Variants in CDH13 observed in about 807,000 individuals in gnomAD.
The protein encoded by CDH13 is cadherin 13.
CDH13 carries 24 observed loss-of-function variants against 63.8 expected under a neutral mutation model. That is an observed-to-expected ratio of 0.38 (90% CI 0.27 to 0.53). The LOEUF (loss-of-function observed/expected upper bound fraction) is 0.53, where lower values mean the gene tolerates loss of function less well. CDH13 is among the 20% of genes least tolerant of loss of function. CDH13 has a pLI of 0.85. For missense variants in CDH13, 1,049 were observed against 903.1 expected (o/e 1.16, Z -2.07); for synonymous variants, 503 against 355.3 (o/e 1.42, Z -4.67).
intron 10 of CDH13, among the ~76,000 whole-genome samples, chr16:83,737,564 T>C (rs1430084494): frequency 6.6e-6 from 1 of 152,196 alleles, no homozygotes; most frequent in Non-Finnish European, 1.5e-5. Flanking sequence ...TGTTCCTGAG[T>C]TATTCCCCAC....
At chr16:83,324,945 T>C (rs2090326233) in intron 5 of CDH13, among the ~76,000 whole-genome samples, 2 of 152,190 alleles carry the variant, frequency 1.3e-5, no homozygotes, top group African/African-American at 2.4e-5. Flanking sequence ...GCCCAGCCCA[T>C]GTCACCTTTC....
intron 7 of CDH13, among the ~76,000 whole-genome samples, chr16:83,566,461 C>G (rs898424579): frequency 1.3e-5 from 2 of 152,152 alleles, no homozygotes; most frequent in African/African-American, 4.8e-5. Context: ...CTTCCAGCCA[C>G]ATATACTGTT....
intron 6 of CDH13, among the ~76,000 whole-genome samples, chr16:83,430,748 T>C (rs1288177202): frequency 6.6e-6 from 1 of 152,226 alleles, no homozygotes; most frequent in Non-Finnish European, 1.5e-5. Context: ...CTCTACTTAA[T>C]GGTAGATTCC....
chr16:82,941,559 A>G (rs907836095), intron 2 of CDH13, among the ~76,000 whole-genome samples: 2 of 152,148 alleles, frequency 1.3e-5, no homozygotes, highest in Non-Finnish European at 2.9e-5. Flanking sequence ...CATTGTGTGG[A>G]TAGCACACTT....
chr16:83,184,261 T>C (rs1225056799), intron 4 of CDH13, among the ~76,000 whole-genome samples: 1 of 152,152 alleles, frequency 6.6e-6, no homozygotes, highest in Non-Finnish European at 1.5e-5. Context: ...TCTACGGTGC[T>C]TTTATTTTTC....
chr16:82,922,852 A>G (rs1328562226), intron 2 of CDH13, among the ~76,000 whole-genome samples: 1 of 152,176 alleles, frequency 6.6e-6, no homozygotes. Context: ...GATTCCTTAA[A>G]TGTGAGAAGG....
At chr16:83,301,274 G>A (rs944988702) in intron 5 of CDH13, among the ~76,000 whole-genome samples, 5 of 151,626 alleles carry the variant, frequency 3.3e-5, no homozygotes, top group African/African-American at 1.2e-4. Context: ...CTCATGATCC[G>A]CCCGCCTCAG....
chr16:83,291,251 C>G (rs1030555216), intron 5 of CDH13, among the ~76,000 whole-genome samples: 5 of 152,136 alleles, frequency 3.3e-5, no homozygotes, highest in Admixed American at 6.5e-5. Flanking sequence ...GCTGCTCTTC[C>G]TCGAAGCATA....
chr16:83,655,202 C>G (rs1415511184), intron 8 of CDH13: 1 of 152,236 alleles, frequency 6.6e-6, no homozygotes, highest in African/African-American at 2.4e-5. Flanking sequence ...TTGTGTCTGT[C>G]TGATCCTTCC....
chr16:83,257,901 C>T (rs1567544522), intron 5 of CDH13, among the ~76,000 whole-genome samples: 1 of 152,208 alleles, frequency 6.6e-6, no homozygotes, highest in Non-Finnish European at 1.5e-5. Context: ...TATAAGCAGT[C>T]CTTTTTCTCT....
At chr16:83,754,935 T>A (rs1000301928) in intron 11 of CDH13, among the ~76,000 whole-genome samples, 3 of 152,184 alleles carry the variant, frequency 2.0e-5, no homozygotes, top group Non-Finnish European at 2.9e-5. Context: ...ATCTTTTTTT[T>A]AATAATGCCC....
At chr16:83,274,408 G>A (rs2088919715) in intron 5 of CDH13, among the ~76,000 whole-genome samples, 1 of 152,192 alleles carries the variant, frequency 6.6e-6, no homozygotes, top group African/African-American at 2.4e-5. Context: ...CCTACCCTGA[G>A]TGATCCCTTG....
chr16:83,135,346 G>C (rs542375957), intron 4 of CDH13, among the ~76,000 whole-genome samples: 1 of 152,182 alleles, frequency 6.6e-6, no homozygotes, highest in Non-Finnish European at 1.5e-5. Flanking sequence ...AATGCTTAAA[G>C]CTTCCATGGG....
At chr16:83,691,959 A>G (rs1456393280) in intron 10 of CDH13, among the ~76,000 whole-genome samples, 1 of 152,088 alleles carries the variant, frequency 6.6e-6, no homozygotes, top group African/African-American at 2.4e-5. Context: ...GTCTCTGATT[A>G]CCCCTTTTAT....
At chr16:82,947,586 G>T (rs1355629810) in intron 2 of CDH13, among the ~76,000 whole-genome samples, 1 of 152,020 alleles carries the variant, frequency 6.6e-6, no homozygotes, top group African/African-American at 2.4e-5. Context: ...TTTACAAAAA[G>T]ACATTTTAAA....
At position 83,338,691 on chromosome 16, in the gene CDH13, G is replaced by A. The variant is rs539232373; in HGVS notation, c.637-6171G>A. ...GGCCAAGATCTGAAGGATGAATAGC[G>A]GCAGCAAGGAAGCGTAGGTAGGAAA... On this transcript the variant is annotated intron_variant, in intron 5 of 13. Coordinates refer to ENST00000567109, the MANE Select transcript of CDH13 (RefSeq NM_001257.5). Among the ~76,000 whole-genome samples the A allele has an allele frequency of 9.9e-4, 150 of 152,282 alleles. 1 individual carries two copies. Among genetic ancestry groups the A allele is most frequent in the African/African-American group, 2.4e-3 (98 of 41,560 alleles).
chr16:83,701,698 G>C (rs1054813264), intron 10 of CDH13, among the ~76,000 whole-genome samples: 1 of 152,100 alleles, frequency 6.6e-6, no homozygotes, highest in Non-Finnish European at 1.5e-5. Flanking sequence ...TCCTCAGGAC[G>C]TTACTACGAT....
intron 1 of CDH13, among the ~76,000 whole-genome samples, chr16:82,631,532 G>C (rs1439692294): frequency 6.6e-6 from 1 of 152,228 alleles, no homozygotes; most frequent in Admixed American, 6.5e-5. Flanking sequence ...CTGTCAGCCA[G>C]GTACCCATGC....
chr16:82,977,118 C>T (rs763798941), intron 2 of CDH13, among the ~76,000 whole-genome samples: 1 of 152,232 alleles, frequency 6.6e-6, no homozygotes, highest in Non-Finnish European at 1.5e-5. Flanking sequence ...CTAAAGGCTT[C>T]CACACCAATG....
Sources: allele counts gnomAD v4.1 joint callset (sites outside exome capture counted in the v4.1 genomes callset), GRCh38; gene constraint gnomAD v4.1.1; transcripts MANE v1.5; gene names NCBI Gene and HGNC (gene_info 2026-07-23, HGNC 2026-07-21).